CSTPP1: variants seen among roughly 807,000 people sequenced by gnomAD.
The protein encoded by CSTPP1 is centriolar satellite-associated tubulin polyglutamylase complex regulator 1.
chr11:47,161,277 T>C, the CSTPP1 span: 3 of 1,609,036 alleles, frequency 1.9e-6, no homozygotes, highest in Admixed American at 3.4e-5. Context: ...CAACACCACT[T>C]GTCTGTAACA....
the CSTPP1 span, among the ~76,000 whole-genome samples, chr11:47,162,519 C>T: frequency 1.3e-5 from 2 of 152,206 alleles, no homozygotes; most frequent in Non-Finnish European, 2.9e-5. Flanking sequence ...AGGGTTAATA[C>T]TGCACAGCCT....
the CSTPP1 span, chr11:46,991,587 C>G: frequency 6.6e-6 from 1 of 152,128 alleles, no homozygotes; most frequent in African/African-American, 2.4e-5. Flanking sequence ...GTTTCTATAC[C>G]ATTTAATCTG....
chr11:47,110,104 T>G, the CSTPP1 span, among the ~76,000 whole-genome samples: 1 of 152,224 alleles, frequency 6.6e-6, no homozygotes, highest in South Asian at 2.1e-4. Context: ...CTGCCTGATT[T>G]ATGTCATTGC....
the CSTPP1 span, among the ~76,000 whole-genome samples, chr11:46,965,042 T>TG: frequency 1.3e-5 from 2 of 151,948 alleles, no homozygotes; most frequent in Non-Finnish European, 1.5e-5. Flanking sequence ...ATTTTAAGAC[T>TG]GGGGGGGTCG....
At chr11:46,957,025 C>A in the CSTPP1 span, among the ~76,000 whole-genome samples, 14 of 151,546 alleles carry the variant, frequency 9.2e-5, no homozygotes, top group African/African-American at 2.9e-4. Context: ...CATTTTCCTG[C>A]AATTAATAAT....
At chr11:47,006,972 C>G in the CSTPP1 span, among the ~76,000 whole-genome samples, 1 of 134,274 alleles carries the variant, frequency 7.4e-6, no homozygotes, top group African/African-American at 2.8e-5. Context: ...CTCTTATGCT[C>G]TTTTTTGCAT....
At chr11:46,947,603 C>T in the CSTPP1 span, among the ~76,000 whole-genome samples, 1 of 152,220 alleles carries the variant, frequency 6.6e-6, no homozygotes, top group Non-Finnish European at 1.5e-5. Flanking sequence ...TTGTTTGAGA[C>T]AGCACTTTCA....
the CSTPP1 span, among the ~76,000 whole-genome samples, chr11:47,112,831 A>G: frequency 1.3e-5 from 2 of 151,820 alleles, no homozygotes; most frequent in African/African-American, 4.8e-5. Flanking sequence ...TGTTATCCCC[A>G]TTTTGTTTAT....
the CSTPP1 span, chr11:46,936,928 G>A: frequency 3.5e-6 from 5 of 1,409,334 alleles, no homozygotes; most frequent in Non-Finnish European, 4.7e-6. Context: ...AGGCGGGGGC[G>A]GGGTCTGAGT....
the CSTPP1 span, among the ~76,000 whole-genome samples, chr11:47,125,356 A>G: frequency 2.0e-5 from 3 of 152,190 alleles, no homozygotes; most frequent in African/African-American, 2.4e-5. Flanking sequence ...AAGCACGCCT[A>G]CATGCTGGCC....
At chr11:47,143,293 A>G in the CSTPP1 span, among the ~76,000 whole-genome samples, 3 of 152,176 alleles carry the variant, frequency 2.0e-5, no homozygotes. Context: ...AGAACTGCAA[A>G]TGGAGGTGGT....
chr11:47,079,065 C>T, the CSTPP1 span, among the ~76,000 whole-genome samples: 25 of 152,110 alleles, frequency 1.6e-4, no homozygotes, highest in South Asian at 4.1e-4. Context: ...AAAATGCTTG[C>T]TCAAGGAGAG....
chr11:47,089,103 T>G, the CSTPP1 span, among the ~76,000 whole-genome samples: 1 of 152,262 alleles, frequency 6.6e-6, no homozygotes, highest in South Asian at 2.1e-4. Context: ...CAGGCCCCAG[T>G]CTGCAGCAAA....
the CSTPP1 span, among the ~76,000 whole-genome samples, chr11:46,959,979 G>A: frequency 6.7e-6 from 1 of 149,498 alleles, no homozygotes. Flanking sequence ...CAATTCTTCT[G>A]CCTTAGCTTC....
At chr11:46,967,310 A>C in the CSTPP1 span, among the ~76,000 whole-genome samples, 1 of 152,334 alleles carries the variant, frequency 6.6e-6, no homozygotes, top group East Asian at 1.9e-4. Context: ...AGCACCATTT[A>C]TTAAAAAGAT....
the CSTPP1 span, among the ~76,000 whole-genome samples, chr11:47,119,704 C>T: frequency 1.2e-4 from 17 of 147,544 alleles, no homozygotes; most frequent in Admixed American, 8.4e-4. Context: ...CTCCACCTCC[C>T]GGGTTCAAGC....
the CSTPP1 span, among the ~76,000 whole-genome samples, chr11:46,974,599 G>A: frequency 6.6e-6 from 1 of 151,610 alleles, no homozygotes; most frequent in African/African-American, 2.4e-5. Flanking sequence ...CCAGCACTTT[G>A]GGAGGCCGAG....
At chr11:47,159,747 T>C in the CSTPP1 span, 1 of 455,160 alleles carries the variant, frequency 2.2e-6, no homozygotes, top group Non-Finnish European at 4.4e-6. Flanking sequence ...GGCTCACGCC[T>C]GTAATCCCAA....
At chr11:47,151,935 T>C in the CSTPP1 span, among the ~76,000 whole-genome samples, 2 of 151,954 alleles carry the variant, frequency 1.3e-5, no homozygotes, top group Admixed American at 6.6e-5. Flanking sequence ...CGTAGGACTG[T>C]TGTAGAATAA....
Sources: gnomAD v4.1 joint callset for allele counts (sites outside exome capture counted in the v4.1 genomes callset) on GRCh38, gnomAD v4.1.1 for gene constraint, MANE v1.5 for transcripts, NCBI Gene and HGNC (gene_info 2026-07-23, HGNC 2026-07-21) for gene names.